Variants in DCBLD1 observed in about 807,000 individuals in gnomAD.
DCBLD1 encodes discoidin, CUB and LCCL domain-containing protein 1.
DCBLD1 carries 57 observed loss-of-function variants against 71.5 expected under a neutral mutation model. The ratio of observed to expected loss-of-function variants is 0.80; its 90% CI spans 0.64 to 0.99. The LOEUF (loss-of-function observed/expected upper bound fraction) is 0.99, where lower values mean the gene tolerates loss of function less well. Ranked by LOEUF, DCBLD1 falls within the 50% of genes least tolerant of loss-of-function variation. The pLI is 0.00. For synonymous variants in DCBLD1, 380 were observed against 363.8 expected, an observed-to-expected ratio of 1.04 and a Z score of -0.51; for missense variants, 891 against 923.5, an observed-to-expected ratio of 0.96 and a Z score of 0.46.
At chr6:117,561,705 T>G (rs1779587544) in intron 14 of DCBLD1, 1 of 206,328 alleles carries the variant, frequency 4.8e-6, no homozygotes, top group Non-Finnish European at 9.9e-6. Context: ...AGTATTTTAA[T>G]GTCAGTAACA....
Position 117,543,293 on chromosome 6 carries a change from A to G in DCBLD1, c.1445+82A>G, listed in dbSNP as rs1583030623. On this transcript the variant is annotated intron_variant, in intron 12 of 14. Transcript: ENST00000338728. Reference sequence around the variant, plus strand: ...CAAAAAGTTTATTCTTCAGAAATGCATATGTACAAAAGCAGCATGGCTTCT... The same window carrying G: ...CAAAAAGTTTATTCTTCAGAAATGCGTATGTACAAAAGCAGCATGGCTTCT... 9 of 1,161,290 alleles carry G rather than the reference A, an allele frequency of 7.8e-6. No individual in the cohort carries two copies. In the East Asian group the frequency reaches 1.2e-4, roughly 15 times the overall value. 71.9% of individuals were successfully genotyped at this position (1,161,290 alleles called of 1,614,324 possible).
intron 5 of DCBLD1, among the ~76,000 whole-genome samples, chr6:117,528,233 AG>A (rs763724857): frequency 2.6e-4 from 40 of 152,318 alleles, no homozygotes; most frequent in Non-Finnish European, 2.1e-4. Context: ...CATTATTTCC[AG>A]CATTTCTATA....
Position 117,482,758 on chromosome 6 carries a change from G to A in DCBLD1, c.-24G>A. The A allele has an allele frequency of 8.9e-7, 1 of 1,129,476 alleles. No homozygotes were observed. Among genetic ancestry groups the A allele is most frequent in the African/African-American group, 1.6e-5 (1 of 60,870 alleles). 70.0% of individuals were successfully genotyped at this position (1,129,476 alleles called of 1,614,324 possible). On this transcript the variant is annotated 5_prime_UTR_variant, in exon 1 of 15. Transcript: ENST00000338728. ...GATCCGTCGAGGGGAGGCCGAGCTT[G>A]CCAAGCTGGCGCCCAGCGGGGTCAT...
chr6:117,498,802 G>A (rs1562432619), intron 1 of DCBLD1, among the ~76,000 whole-genome samples: 1 of 152,084 alleles, frequency 6.6e-6, no homozygotes, highest in Non-Finnish European at 1.5e-5. Flanking sequence ...GCATATGTCA[G>A]TAGGCATCCC....
rs1245553042 is a variant in DCBLD1, at chr6:117,537,094, G to A, written c.720-91G>A. 9 of 1,310,714 alleles carry A rather than the reference G, an allele frequency of 6.9e-6. No homozygotes were observed. The East Asian group carries it at 2.1e-4, about 30-fold the overall frequency. The allele number at this position is 1,310,714 out of a possible 1,614,324, so 81.2% of individuals were successfully genotyped here. A position where few individuals can be genotyped will look rare whatever the true frequency, so the allele number is the denominator to read the frequency against. On this transcript the variant is annotated intron_variant, in intron 6 of 14. Coordinates refer to ENST00000338728, the MANE Select transcript of DCBLD1 (RefSeq NM_001366458.2). ...GGATCATGTAAGGAAGCACAGGTGG[G>A]AAAGTTCTGTGAGCCCTGGGATGTA...
At chr6:117,501,287 C>T (rs1197392162) in intron 1 of DCBLD1, among the ~76,000 whole-genome samples, 2 of 152,028 alleles carry the variant, frequency 1.3e-5, no homozygotes, top group East Asian at 3.9e-4. Flanking sequence ...TGTCACTAGC[C>T]CTGTGAGAAT....
rs1776933299 is a variant in DCBLD1, at chr6:117,482,775, C to T, written c.-7C>T. 1.8e-6 allele frequency: 2 copies of T among 1,136,024 alleles called. 1 individual carries two copies. Among genetic ancestry groups the T allele is most frequent in the South Asian group, 8.5e-5 (2 of 23,430 alleles). 70.4% of individuals were successfully genotyped at this position (1,136,024 alleles called of 1,614,324 possible). ...CCGAGCTTGCCAAGCTGGCGCCCAG[C>T]GGGGTCATGGTGCCCGGCGCCCGCG... On this transcript the variant is annotated 5_prime_UTR_variant, in exon 1 of 15. Coordinates refer to ENST00000338728, the MANE Select transcript of DCBLD1 (RefSeq NM_001366458.2).
chr6:117,545,462 G>A lies in DCBLD1; in HGVS notation c.1496-16G>A. On this transcript the variant is annotated splice_polypyrimidine_tract_variant and intron_variant, in intron 13 of 14. Transcript: ENST00000338728. ...TTTCTGACATATTCATTTGGTTTAT[G>A]TTACCTTTATTCCAGACTGTTGGAA... is the stretch of plus-strand genomic sequence containing the variant. 6.2e-7 allele frequency: 1 copy of A among 1,612,750 alleles called. No individual in the cohort carries two copies. The highest frequency in any genetic ancestry group is 8.5e-7 in the Non-Finnish European group (1 of 1,179,346).
At chr6:117,551,002 C>T (rs1296231683), downstream of DCBLD1, among the ~76,000 whole-genome samples, 1 of 152,168 alleles carries the variant, frequency 6.6e-6, no homozygotes, top group Non-Finnish European at 1.5e-5. Flanking sequence ...ACAGCCCATG[C>T]AGTCACCCCA....
chr6:117,558,233 T>C (rs1186152838), intron 14 of DCBLD1, among the ~76,000 whole-genome samples: 1 of 152,172 alleles, frequency 6.6e-6, no homozygotes, highest in South Asian at 2.1e-4. Context: ...AGCCTGAAGC[T>C]CAGCTGTTTC....
At chr6:117,542,585 A>G (rs1257016601) in intron 11 of DCBLD1, among the ~76,000 whole-genome samples, 3 of 152,192 alleles carry the variant, frequency 2.0e-5, no homozygotes, top group East Asian at 1.9e-4. Flanking sequence ...TTCATGCAAC[A>G]TAGTGGAAAT....
chr6:117,550,778 C>CG (rs1175131414), downstream of DCBLD1, among the ~76,000 whole-genome samples: 2 of 152,146 alleles, frequency 1.3e-5, no homozygotes, highest in Non-Finnish European at 2.9e-5. Flanking sequence ...GTGTGGCCAC[C>CG]GGGTTGACCT....
chr6:117,522,031 G>A lies in DCBLD1; in HGVS notation c.512+455G>A, dbSNP rs147034538. 3.3e-3 allele frequency among the ~76,000 whole-genome samples: 507 copies of A among 152,296 alleles called. 5 individuals carry two copies. Among genetic ancestry groups the A allele is most frequent in the African/African-American group, 0.011 (474 of 41,556 alleles). ...TTTTTTTCCTGGCTGGTATTTGGGA[G>A]TGACCTTTAAAATTCTTTCATTTGG... On this transcript the variant is annotated intron_variant, in intron 4 of 14. Transcript: ENST00000338728.
chr6:117,546,076 A>G (rs139238334), intron 14 of DCBLD1, among the ~76,000 whole-genome samples: 1 of 152,288 alleles, frequency 6.6e-6, no homozygotes, highest in East Asian at 1.9e-4. Flanking sequence ...TTCTTTTTTT[A>G]AAATTTCTAC....
At chr6:117,515,870 A>G (rs947827745) in intron 2 of DCBLD1, among the ~76,000 whole-genome samples, 2 of 152,280 alleles carry the variant, frequency 1.3e-5, no homozygotes, top group African/African-American at 4.8e-5. Context: ...TTCAATTCAA[A>G]CTGTTTGTGG....
rs372025261 is a variant in DCBLD1 at position 117,498,198 on chromosome 6, C to T, written c.113-5569C>T. 4.7e-3 allele frequency among the ~76,000 whole-genome samples: 722 copies of T among 152,308 alleles called. 5 individuals carry two copies. The highest frequency in any genetic ancestry group is 8.6e-3 in the Non-Finnish European group (585 of 68,034). Reference sequence around the variant, plus strand: ...GCACCTTTTTCCAGAATCTAAACTTCATACATCTAGTTTTGTTCTTGTAAA... The same window carrying T: ...GCACCTTTTTCCAGAATCTAAACTTTATACATCTAGTTTTGTTCTTGTAAA... On this transcript the variant is annotated intron_variant, in intron 1 of 14. Coordinates refer to ENST00000338728, the MANE Select transcript of DCBLD1 (RefSeq NM_001366458.2).
At chr6:117,550,458 A>C (rs1037711370), downstream of DCBLD1, among the ~76,000 whole-genome samples, 4 of 152,218 alleles carry the variant, frequency 2.6e-5, no homozygotes, top group African/African-American at 9.7e-5. Context: ...TTATGTTATC[A>C]AATCCTACTG....
In DCBLD1 at chr6:117,548,728, T is replaced by C; in HGVS notation, c.*289T>C. The C allele has an allele frequency of 7.4e-7, 1 of 1,352,450 alleles. No individual in the cohort carries two copies. Among genetic ancestry groups the C allele is most frequent in the African/African-American group, 1.5e-5 (1 of 67,894 alleles). The allele number at this position is 1,352,450 out of a possible 1,614,324, so 83.8% of individuals were successfully genotyped here. A position where few individuals can be genotyped will look rare whatever the true frequency, so the allele number is the denominator to read the frequency against. ...TCCTCTGACTGATATTGAGCTGCTT[T>C]GGTGTTAAAGGTGTAATGTGTACAG... On this transcript the variant is annotated 3_prime_UTR_variant, in exon 15 of 15. Coordinates refer to ENST00000338728, the MANE Select transcript of DCBLD1 (RefSeq NM_001366458.2).
At chr6:117,569,698 C>G (rs746401385) in exon 15 of DCBLD1, 22 of 1,606,992 alleles carry the variant, frequency 1.4e-5, no homozygotes, top group Middle Eastern at 1.6e-4. Context: ...CCGGATGGAT[C>G]TCAGAGATGA....
Sources: gnomAD v4.1 joint callset for allele counts (sites outside exome capture counted in the v4.1 genomes callset) on GRCh38, gnomAD v4.1.1 for gene constraint, MANE v1.5 for transcripts, NCBI Gene and HGNC (gene_info 2026-07-23, HGNC 2026-07-21) for gene names.